The following ZFAT variants were observed in gnomAD, a reference collection of about 807,000 sequenced individuals.
ZFAT encodes zinc finger and AT-hook domain containing.
Under a neutral mutation model 117.7 loss-of-function variants are expected in ZFAT, and 64 were observed. The ratio of observed to expected loss-of-function variants is 0.54; its 90% confidence interval spans 0.44 to 0.67. ZFAT has a LOEUF of 0.67. Among genes scored for constraint, ZFAT ranks in the 30% least tolerant of loss-of-function variants. The pLI, the probability that ZFAT is intolerant of heterozygous loss-of-function variation, is 0.00. For synonymous variants in ZFAT, 679 were observed against 615.0 expected, an observed-to-expected ratio of 1.10 and a Z score of -1.54; for missense variants, 1,433 against 1,584.5, an observed-to-expected ratio of 0.90 and a Z score of 1.62.
At chr8:134,689,277 G>A (rs1314694553) in intron 1 of ZFAT, among the ~76,000 whole-genome samples, 4 of 152,244 alleles carry the variant, frequency 2.6e-5, no homozygotes, top group Non-Finnish European at 4.4e-5. Flanking sequence ...CATTGAAAGT[G>A]GGTATAAATT....
intron 12 of ZFAT, among the ~76,000 whole-genome samples, chr8:134,529,267 G>A (rs1821238470): frequency 6.6e-6 from 1 of 152,190 alleles, no homozygotes; most frequent in African/African-American, 2.4e-5. Flanking sequence ...CTCTAGGAGT[G>A]AGCAAAAGAT....
At chr8:134,816,461 G>T in the ZFAT span, among the ~76,000 whole-genome samples, 104 of 151,242 alleles carry the variant, frequency 6.9e-4, no homozygotes, top group African/African-American at 2.4e-3. Context: ...TGCCATTTCT[G>T]TCAGATGATT....
At chr8:134,828,531 C>T in the ZFAT span, among the ~76,000 whole-genome samples, 1 of 152,178 alleles carries the variant, frequency 6.6e-6, no homozygotes, top group Non-Finnish European at 1.5e-5. Context: ...GTCACTGTTA[C>T]CCAAGCCAGG....
At chr8:134,750,162 A>G in the ZFAT span, among the ~76,000 whole-genome samples, 1 of 152,268 alleles carries the variant, frequency 6.6e-6, no homozygotes, top group East Asian at 1.9e-4. Flanking sequence ...TCTCTCAGTA[A>G]GTTTTAATTT....
the ZFAT span, chr8:134,792,616 A>G: frequency 2.0e-5 from 3 of 152,186 alleles, no homozygotes; most frequent in Non-Finnish European, 4.4e-5. Flanking sequence ...TGTAACTCCA[A>G]GACATATTTG....
At chr8:134,720,389 G>T in the ZFAT span, among the ~76,000 whole-genome samples, 1 of 152,250 alleles carries the variant, frequency 6.6e-6, no homozygotes, top group Non-Finnish European at 1.5e-5. Context: ...GAGAGTTGAT[G>T]AGTCCATTTG....
chr8:134,681,652 T>C (rs914736222), intron 1 of ZFAT, among the ~76,000 whole-genome samples: 1 of 152,218 alleles, frequency 6.6e-6, no homozygotes, highest in South Asian at 2.1e-4. Flanking sequence ...TATCTTTTAC[T>C]TGTATTTATT....
At chr8:134,826,106 C>T in the ZFAT span, among the ~76,000 whole-genome samples, 1 of 151,930 alleles carries the variant, frequency 6.6e-6, no homozygotes, top group Non-Finnish European at 1.5e-5. Flanking sequence ...ATGATATTTA[C>T]TCAATCGAAC....
chr8:134,658,822 G>A (rs554444566), intron 1 of ZFAT, among the ~76,000 whole-genome samples: 14 of 152,244 alleles, frequency 9.2e-5, no homozygotes, highest in African/African-American at 2.9e-4. Flanking sequence ...TTCCCAACTC[G>A]TCCCTAAATG....
At chr8:134,682,515 T>G (rs1278546758) in intron 1 of ZFAT, among the ~76,000 whole-genome samples, 1 of 151,858 alleles carries the variant, frequency 6.6e-6, no homozygotes, top group African/African-American at 2.4e-5. Context: ...ATTAGCCGGG[T>G]GTGGTGGCGC....
At chr8:134,810,987 T>C in the ZFAT span, among the ~76,000 whole-genome samples, 1 of 150,970 alleles carries the variant, frequency 6.6e-6, no homozygotes, top group Non-Finnish European at 1.5e-5. Flanking sequence ...CTACATCTTC[T>C]GAAAAAGTTT....
At chr8:134,489,609 A>T (rs566613438) in intron 15 of ZFAT, among the ~76,000 whole-genome samples, 1 of 152,094 alleles carries the variant, frequency 6.6e-6, no homozygotes, top group South Asian at 2.1e-4. Flanking sequence ...CTGGACCTCT[A>T]AGTGGCATAG....
chr8:134,762,307 C>T, the ZFAT span, among the ~76,000 whole-genome samples: 1 of 152,186 alleles, frequency 6.6e-6, no homozygotes, highest in Non-Finnish European at 1.5e-5. Context: ...AAAACAAAAT[C>T]TCTGTGACAG....
chr8:134,680,090 A>C (rs1157815590), intron 1 of ZFAT, among the ~76,000 whole-genome samples: 2 of 151,120 alleles, frequency 1.3e-5, no homozygotes, highest in Non-Finnish European at 2.9e-5. Context: ...TTAAAGTATA[A>C]TTAAAAAAAA....
At chr8:134,746,389 C>T in the ZFAT span, among the ~76,000 whole-genome samples, 3 of 152,192 alleles carry the variant, frequency 2.0e-5, no homozygotes, top group East Asian at 3.8e-4. Context: ...AAACGTAGAA[C>T]ACCGCAAGAC....
chr8:134,604,361 G>A (rs75933022), intron 5 of ZFAT, among the ~76,000 whole-genome samples: 14,703 of 152,206 alleles, frequency 0.097, 1,008 homozygotes, highest in East Asian at 0.36. Flanking sequence ...TCACTGACAC[G>A]CAGCGACCCT....
chr8:134,734,263 C>T, the ZFAT span, among the ~76,000 whole-genome samples: 1 of 152,236 alleles, frequency 6.6e-6, no homozygotes, highest in Non-Finnish European at 1.5e-5. Context: ...CAGGATACTC[C>T]TGCCACTTCT....
At chr8:134,692,075 C>T (rs1445829057) in intron 1 of ZFAT, among the ~76,000 whole-genome samples, 1 of 152,076 alleles carries the variant, frequency 6.6e-6, no homozygotes, top group Non-Finnish European at 1.5e-5. Context: ...AGGCTGGTCT[C>T]GAACTCCCAC....
chr8:134,510,330 CACCATCTGCCAG>C lies in ZFAT; in HGVS notation c.3362-593_3362-582del, dbSNP rs1205799409. On this transcript the variant is annotated intron_variant, in intron 14 of 15. Transcript: ENST00000377838. ...GCTATTTAGTATCCCCGCCTGCTCC[CACCATCTGCCAG>C]GCCATCTGCAACCGTCCTGAGCACA... is the stretch of plus-strand genomic sequence containing the variant. The C allele has an allele frequency of 1.1e-5, 4 of 373,996 alleles. No homozygotes were observed. The Admixed American group carries it at 1.2e-4, about 11-fold the overall frequency. 23.2% of individuals were successfully genotyped at this position (373,996 alleles called of 1,614,324 possible).
Sources: allele counts gnomAD v4.1 joint callset (sites outside exome capture counted in the v4.1 genomes callset), GRCh38; gene constraint gnomAD v4.1.1; transcripts MANE v1.5; gene names NCBI Gene and HGNC (gene_info 2026-07-23, HGNC 2026-07-21).